The following DHRS4L2 variants were observed in gnomAD, a reference collection of about 807,000 sequenced individuals.
DHRS4L2 encodes the protein dehydrogenase/reductase SDR family member 4-like 2.
DHRS4L2 carries 22 observed loss-of-function variants against 23.9 expected under a neutral mutation model. The ratio of observed to expected loss-of-function variants is 0.92; its 90% CI spans 0.66 to 1.31. The LOEUF (loss-of-function observed/expected upper bound fraction) is 1.31, where lower values mean the gene tolerates loss of function less well. DHRS4L2 is among the 40% of genes most tolerant of loss of function. The pLI is 0.00. For missense variants in DHRS4L2, 385 were observed against 303.3 expected (o/e 1.27, Z -2.00); for synonymous variants, 141 against 123.7 (o/e 1.14, Z -0.93).
intron 1 of DHRS4L2, among the ~76,000 whole-genome samples, chr14:23,973,395 G>A (rs982333851): frequency 2.0e-5 from 3 of 151,912 alleles, no homozygotes; most frequent in African/African-American, 7.3e-5. Flanking sequence ...ATCTGAGGAA[G>A]CCAGCTCCAG....
At chr14:23,989,227 C>A (rs1384668601) in intron 1 of DHRS4L2, 152 bp downstream of exon 1, 5 of 1,420,190 alleles carry the variant, frequency 3.5e-6, no homozygotes, top group Non-Finnish European at 4.7e-6. Flanking sequence ...CCGCCTGAAG[C>A]CCCTCCGAAT....
rs755594079 is a variant in DHRS4L2, at chr14:24,000,856, G to C, written c.409-7G>C. On this transcript the variant is annotated splice_polypyrimidine_tract_variant and splice_region_variant and intron_variant, in intron 3 of 7. Coordinates refer to ENST00000335125, the MANE Select transcript of DHRS4L2 (RefSeq NM_198083.4). The stretch of plus-strand genomic sequence containing the variant: ...CATGCTGTTTCCCCTTCTTCTCTTG[G>C]CTTCAGACTCTGGACATTAATGTGA... The C allele has an allele frequency of 3.7e-6, 6 of 1,607,502 alleles. No individual in the cohort carries two copies. The East Asian group carries it at 1.1e-4, about 30-fold the overall frequency.
At position 23,989,060 on chromosome 14, in the gene DHRS4L2, C is replaced by A. The variant is rs560762322; in HGVS notation, c.113C>A (p.Thr38Lys). ...CTCACAAATAAGGTGGCCCTGGTAA[C>A]GGCCTCCACCGACGGGTGAGTGTTG... ...DPLTNKVALV[T>K]ASTDGIGFAI... Residue 38 changes from threonine to lysine, a missense_variant, in exon 1 of 8, where the codon ACG becomes AAG. Thr to Lys is a moderately conservative substitution (Grantham distance 78). Coordinates refer to ENST00000335125, the MANE Select transcript of DHRS4L2 (RefSeq NM_198083.4). 26 of 1,579,050 alleles carry A rather than the reference C, an allele frequency of 1.6e-5. No individual in the cohort carries two copies. In the South Asian group the frequency reaches 2.1e-4, roughly 13 times the overall value.
intron 1 of DHRS4L2, among the ~76,000 whole-genome samples, chr14:23,978,206 A>T (rs1303864891): frequency 6.6e-6 from 1 of 151,302 alleles, no homozygotes; most frequent in Non-Finnish European, 1.5e-5. Context: ...AACACACAAA[A>T]ATACATATTC....
intron 7 of DHRS4L2, 96 bp from the exon 8 acceptor site, chr14:24,005,790 A>G: frequency 6.4e-7 from 1 of 1,553,400 alleles, no homozygotes; most frequent in Non-Finnish European, 8.7e-7. Flanking sequence ...GTCATCTGAT[A>G]ATTCTTGATT....
rs1223916348 is a variant in DHRS4L2 at position 24,006,070 on chromosome 14, G to A, written c.*207G>A. On this transcript the variant is annotated 3_prime_UTR_variant, in exon 8 of 8. Coordinates refer to ENST00000335125, the MANE Select transcript of DHRS4L2 (RefSeq NM_198083.4). ...GGTGCTGTTCCTGCATTCACCCACT[G>A]GCCTTTCCCACCTCTGCTCACCTTA... 13 of 1,574,274 alleles carry A rather than the reference G, an allele frequency of 8.3e-6. No homozygotes were observed. Among genetic ancestry groups the A allele is most frequent in the Non-Finnish European group, 1.1e-5 (13 of 1,161,224 alleles).
At chr14:23,984,967 C>T (rs1049979302), upstream of DHRS4L2, among the ~76,000 whole-genome samples, 9 of 151,310 alleles carry the variant, frequency 5.9e-5, no homozygotes, top group Non-Finnish European at 8.8e-5. Context: ...TATACCCCTT[C>T]GTATTTACTG....
chr14:23,994,327 C>A (rs574018339), intron 2 of DHRS4L2, among the ~76,000 whole-genome samples: 34 of 151,602 alleles, frequency 2.2e-4, no homozygotes, highest in African/African-American at 7.5e-4. Flanking sequence ...AGGAGCTTTC[C>A]AAAGGGAAAG....
chr14:24,001,350 A>T lies in DHRS4L2; in HGVS notation c.532-34A>T, dbSNP rs778846320. ...TATTAGAACCAAGAATGACCTGGAA[A>T]CTATGAGTCTAACACATTCTCTTCT... On this transcript the variant is annotated intron_variant, in intron 5 of 7. Transcript: ENST00000335125. 29 of 1,593,026 alleles carry T rather than the reference A, an allele frequency of 1.8e-5. 1 individual carries two copies. The highest frequency in any genetic ancestry group is 2.5e-5 in the Non-Finnish European group (29 of 1,173,704).
intron 1 of DHRS4L2, among the ~76,000 whole-genome samples, chr14:23,981,697 C>A (rs2034056225): frequency 6.6e-6 from 1 of 151,616 alleles, no homozygotes; most frequent in Admixed American, 6.6e-5. Context: ...ACTATCTCAG[C>A]AAGAGGAATG....
At chr14:23,995,941 A>G (rs2034374239) in intron 3 of DHRS4L2, among the ~76,000 whole-genome samples, 1 of 151,874 alleles carries the variant, frequency 6.6e-6, no homozygotes, top group Admixed American at 6.6e-5. Flanking sequence ...TATAAAGAAA[A>G]GAAGTGTGTT....
At chr14:23,979,242 A>G (rs1594454843) in intron 1 of DHRS4L2, among the ~76,000 whole-genome samples, 1 of 148,010 alleles carries the variant, frequency 6.8e-6, no homozygotes, top group African/African-American at 2.5e-5. Flanking sequence ...AGAAGAGCTA[A>G]CTATCCTAAA....
chr14:23,985,116 T>C (rs1220930764), upstream of DHRS4L2, among the ~76,000 whole-genome samples: 1 of 151,500 alleles, frequency 6.6e-6, no homozygotes, highest in Admixed American at 6.6e-5. Context: ...CAGGGAGTAA[T>C]TGCCCTCAGC....
At chr14:23,982,385 C>A (rs1217206330) in intron 1 of DHRS4L2, among the ~76,000 whole-genome samples, 4 of 151,666 alleles carry the variant, frequency 2.6e-5, no homozygotes, top group Non-Finnish European at 5.9e-5. Context: ...AACAGCATCT[C>A]AGGGCAAAGC....
At chr14:23,994,338 T>A (rs1322138804) in intron 2 of DHRS4L2, among the ~76,000 whole-genome samples, 1 of 151,322 alleles carries the variant, frequency 6.6e-6, no homozygotes, top group Non-Finnish European at 1.5e-5. Context: ...AAAGGGAAAG[T>A]GTAAAGAAAA....
intron 1 of DHRS4L2, among the ~76,000 whole-genome samples, chr14:23,972,302 G>A (rs1218741701): frequency 1.3e-5 from 2 of 152,064 alleles, no homozygotes; most frequent in South Asian, 2.1e-4. Context: ...CTTCAGGAGT[G>A]AAGCTGCGGA....
At chr14:23,980,810 TAGTA>T (rs555501651) in intron 1 of DHRS4L2, among the ~76,000 whole-genome samples, 4 of 151,642 alleles carry the variant, frequency 2.6e-5, no homozygotes, top group African/African-American at 9.7e-5. Context: ...TATCTCAAAA[TAGTA>T]AGAGTTATTT....
At position 23,995,101 on chromosome 14, in the gene DHRS4L2, C is replaced by A. The variant is rs61999853; in HGVS notation, c.376C>A (p.Leu126Ile). Residue 126 changes from leucine (L) to isoleucine (I), a missense_variant, in exon 3 of 8, where the codon CTA becomes ATA. Transcript: ENST00000335125. ...NAAVNPFFGS[L>I]MDVTEEVWDK... ...TGCTGTCAACCCTTTCTTTGGAAGC[C>A]TAATGGATGTCACCGAGGAGGTGTG... is the stretch of plus-strand genomic sequence containing the variant. 0.033 allele frequency: 52,758 copies of A among 1,585,018 alleles called. 1,952 individuals carry two copies. The highest frequency in any genetic ancestry group is 0.036 in the Non-Finnish European group (42,351 of 1,164,850).
chr14:23,970,832 A>C (rs2033841393), intron 1 of DHRS4L2, among the ~76,000 whole-genome samples: 1 of 152,022 alleles, frequency 6.6e-6, no homozygotes, highest in Non-Finnish European at 1.5e-5. Context: ...ACCCAAGAAA[A>C]TAAGGTCTGG....
Sources: allele counts gnomAD v4.1 joint callset (sites outside exome capture counted in the v4.1 genomes callset), GRCh38; gene constraint gnomAD v4.1.1; transcripts MANE v1.5; gene names NCBI Gene and HGNC (gene_info 2026-07-23, HGNC 2026-07-21).